ANKRD42: variants seen among roughly 807,000 people sequenced by gnomAD.
ANKRD42 encodes ankyrin repeat domain-containing protein 42.
ANKRD42 carries 43 observed loss-of-function variants against 51.5 expected under a neutral mutation model. That is an observed-to-expected ratio of 0.83 (90% CI 0.65 to 1.08). ANKRD42 has a LOEUF of 1.08. Among genes scored for constraint, ANKRD42 ranks in the 50% least tolerant of loss-of-function variants. The pLI is 0.00. For synonymous variants in ANKRD42, 203 were observed against 213.0 expected, an observed-to-expected ratio of 0.95 and a Z score of 0.41; for missense variants, 608 against 629.3, an observed-to-expected ratio of 0.97 and a Z score of 0.36.
Position 83,225,040 on chromosome 11 carries a change from C to A in ANKRD42, c.772C>A (p.Leu258Ile), listed in dbSNP as rs1275673364. The change falls in exon 6 of 11, where the codon CTA becomes ATA. Residue 258 changes from leucine (L) to isoleucine (I), a missense_variant. Leu to Ile is a conservative substitution (Grantham distance 5, BLOSUM62 2). Coordinates refer to ENST00000533342, the MANE Select transcript of ANKRD42 (RefSeq NM_001300975.2). The stretch of plus-strand genomic sequence containing the variant: ...GGGGGCTGAGTATGAAGGAAAAGAC[C>A]TAGAGGATCAGGAAAGTAAGTAATT... ...IQGAEYEGKDLEDQETLAFPG... is the reference protein window; with the variant it reads ...IQGAEYEGKDIEDQETLAFPG... The A allele has an allele frequency of 6.2e-7, 1 of 1,611,680 alleles. No homozygotes were observed. The highest frequency in any genetic ancestry group is 8.5e-7 in the Non-Finnish European group (1 of 1,178,624).
intron 1 of ANKRD42, among the ~76,000 whole-genome samples, chr11:83,196,238 CATT>C (rs1565172737): frequency 1.3e-5 from 2 of 152,214 alleles, no homozygotes; most frequent in East Asian, 1.9e-4. Context: ...AGCTCTCAAT[CATT>C]ATAATTCTTC....
At chr11:83,232,463 T>C (rs1863101631) in intron 7 of ANKRD42, among the ~76,000 whole-genome samples, 1 of 152,214 alleles carries the variant, frequency 6.6e-6, no homozygotes, top group Non-Finnish European at 1.5e-5. Context: ...CTTTACTGAA[T>C]TTGCTTATCA....
At chr11:83,203,160 A>T (rs954557930) in intron 2 of ANKRD42, among the ~76,000 whole-genome samples, 8 of 151,060 alleles carry the variant, frequency 5.3e-5, no homozygotes, top group Non-Finnish European at 8.9e-5. Context: ...TACCTGTCTA[A>T]TTTTTTGTAT....
rs1034653088 is a variant in ANKRD42 at position 83,193,922 on chromosome 11, A to G, written c.-749A>G. On this transcript the variant is annotated 5_prime_UTR_variant, in exon 1 of 11. Transcript: ENST00000533342. ...GGCCATTCCGGCGCCGAGTCTAGGGAAAGAGTTAGCGACGACGGGGAAAGA... is the reference window on the plus strand; with the variant it reads ...GGCCATTCCGGCGCCGAGTCTAGGGGAAGAGTTAGCGACGACGGGGAAAGA... The G allele has an allele frequency of 1.1e-5, 5 of 455,344 alleles. No homozygotes were observed. In the East Asian group the frequency reaches 3.5e-4, roughly 32 times the overall value. 28.2% of individuals were successfully genotyped at this position (455,344 alleles called of 1,614,324 possible). A position where few individuals can be genotyped will look rare whatever the true frequency, so the allele number is the denominator to read the frequency against.
chr11:83,233,621 A>C lies in ANKRD42; in HGVS notation c.914-2783A>C, dbSNP rs545612800. Among the ~76,000 whole-genome samples the C allele has an allele frequency of 1.3e-4, 19 of 151,730 alleles. 1 individual carries two copies. The South Asian group carries it at 3.7e-3, about 30-fold the overall frequency. ...CTTTATTGTTTCTTTTCTTTTACTA[A>C]TTTTGTATTTGGCTTGCTCTTGGTT... On this transcript the variant is annotated intron_variant, in intron 7 of 10. Transcript: ENST00000533342.
At chr11:83,218,398 T>G (rs548344894) in intron 5 of ANKRD42, among the ~76,000 whole-genome samples, 1 of 152,260 alleles carries the variant, frequency 6.6e-6, no homozygotes, top group East Asian at 1.9e-4. Flanking sequence ...ATGTCCAAAT[T>G]GCTGGGCTGC....
chr11:83,225,270 A>G (rs1366638524), intron 6 of ANKRD42, among the ~76,000 whole-genome samples: 1 of 152,224 alleles, frequency 6.6e-6, no homozygotes, highest in East Asian at 1.9e-4. Flanking sequence ...AATATTTTAG[A>G]CAAAAATGTG....
chr11:83,250,288 G>A (rs1465599712), downstream of ANKRD42, among the ~76,000 whole-genome samples: 2 of 152,066 alleles, frequency 1.3e-5, no homozygotes, highest in African/African-American at 2.4e-5. Context: ...AAAATTATTC[G>A]AATAGTTTCC....
At chr11:83,239,932 G>A (rs1212355423) in intron 8 of ANKRD42, among the ~76,000 whole-genome samples, 3 of 152,166 alleles carry the variant, frequency 2.0e-5, no homozygotes, top group Non-Finnish European at 2.9e-5. Context: ...CAACCTAGTC[G>A]TAGACTTAAT....
chr11:83,210,140 G>T, intron 3 of ANKRD42, 160 bp from the exon 4 acceptor site: 1 of 600,580 alleles, frequency 1.7e-6, no homozygotes, highest in Non-Finnish European at 2.7e-6. Context: ...CTTAGCATTA[G>T]CTGAGAATTT....
chr11:83,199,108 G>A (rs150517361), intron 2 of ANKRD42, among the ~76,000 whole-genome samples: 1 of 152,172 alleles, frequency 6.6e-6, no homozygotes, highest in Non-Finnish European at 1.5e-5. Flanking sequence ...CCAAAGGTGA[G>A]CATAGAGGAT....
At position 83,194,680 on chromosome 11, in the gene ANKRD42, G is replaced by T; in HGVS notation, c.10G>T (p.Val4Leu). ...TCGGAGGTGTTGCGCCATGCCCGGG[G>T]TGGCCAATTCAGGCCCCTCCACTTC... Reference protein sequence around the residue: MPGVANSGPSTSSR... With the variant: MPGLANSGPSTSSR... The change falls in exon 1 of 11, where the codon GTG becomes TTG. Residue 4 changes from valine to leucine, a missense_variant. Transcript: ENST00000533342. 2 of 1,613,816 alleles carry T rather than the reference G, an allele frequency of 1.2e-6. No homozygotes were observed. Among genetic ancestry groups the T allele is most frequent in the Non-Finnish European group, 1.7e-6 (2 of 1,179,934 alleles).
At chr11:83,239,036 T>C (rs1394791263) in intron 8 of ANKRD42, among the ~76,000 whole-genome samples, 1 of 152,002 alleles carries the variant, frequency 6.6e-6, no homozygotes, top group Non-Finnish European at 1.5e-5. Flanking sequence ...CTGTCAGCAA[T>C]GGATGTCAAT....
chr11:83,232,494 TG>T (rs1863103056), intron 7 of ANKRD42, among the ~76,000 whole-genome samples: 1 of 152,168 alleles, frequency 6.6e-6, no homozygotes, highest in African/African-American at 2.4e-5. Context: ...GTTTTTTGTG[TG>T]GGGTCTTTAG....
intron 3 of ANKRD42, chr11:83,209,328 G>A (rs1429927722): frequency 8.7e-6 from 8 of 918,518 alleles, no homozygotes; most frequent in Non-Finnish European, 1.4e-5. Context: ...CAAAGTGGGT[G>A]GGAGTGCGTG....
At chr11:83,220,906 C>T (rs1292353239) in intron 5 of ANKRD42, among the ~76,000 whole-genome samples, 1 of 123,934 alleles carries the variant, frequency 8.1e-6, no homozygotes, top group Non-Finnish European at 1.7e-5. Context: ...TGAGACCTTA[C>T]TATTTCTGGA....
chr11:83,205,105 T>A (rs1446270174), intron 2 of ANKRD42, among the ~76,000 whole-genome samples: 1 of 152,228 alleles, frequency 6.6e-6, no homozygotes, highest in East Asian at 1.9e-4. Flanking sequence ...GTTTGGCAGT[T>A]TTTAAAATAA....
rs776094907 is a variant in ANKRD42, at chr11:83,212,703, G to A, written c.586+1273G>A. Reference sequence around the variant, plus strand: ...TCTGATTCCTTGGCTTGGCATGCTGGACTTACATAATTTGGCACCTACCTA... The same window carrying A: ...TCTGATTCCTTGGCTTGGCATGCTGAACTTACATAATTTGGCACCTACCTA... On this transcript the variant is annotated intron_variant, in intron 5 of 10. Coordinates refer to ENST00000533342, the MANE Select transcript of ANKRD42 (RefSeq NM_001300975.2). The A allele has an allele frequency of 2.0e-5, 30 of 1,535,980 alleles. No individual in the cohort carries two copies. In the African/African-American group the frequency reaches 3.1e-4, roughly 16 times the overall value.
At chr11:83,239,128 G>A (rs1260064129) in intron 8 of ANKRD42, among the ~76,000 whole-genome samples, 1 of 152,124 alleles carries the variant, frequency 6.6e-6, no homozygotes, top group African/African-American at 2.4e-5. Context: ...GTATGTAGTG[G>A]TAGCTCACTG....
Sources: gnomAD v4.1 joint callset for allele counts (sites outside exome capture counted in the v4.1 genomes callset) on GRCh38, gnomAD v4.1.1 for gene constraint, MANE v1.5 for transcripts, NCBI Gene and HGNC (gene_info 2026-07-23, HGNC 2026-07-21) for gene names.